The following MTF2 variants were observed in gnomAD, a reference collection of about 807,000 sequenced individuals.
MTF2 encodes metal-response element-binding transcription factor 2.
A neutral mutation model predicts 79.5 loss-of-function variants in MTF2; 11 were observed. The observed-to-expected ratio is 0.14, with a 90% CI of 0.09 to 0.23. The LOEUF is 0.23. MTF2 is among the 10% of genes least tolerant of loss of function. The pLI, the probability that MTF2 is intolerant of heterozygous loss-of-function variation, is 1.00. For synonymous variants in MTF2, 208 were observed against 232.8 expected, an observed-to-expected ratio of 0.89 and a Z score of 0.97; for missense variants, 486 against 711.2, an observed-to-expected ratio of 0.68 and a Z score of 3.60.
At chr1:93,098,158 TTG>T (rs1655374831) in intron 1 of MTF2, among the ~76,000 whole-genome samples, 1 of 152,194 alleles carries the variant, frequency 6.6e-6, no homozygotes, top group Non-Finnish European at 1.5e-5. Context: ...AAAGTGTGTG[TTG>T]TCTCATGACT....
chr1:93,097,228 G>GA (rs749749519), intron 1 of MTF2, among the ~76,000 whole-genome samples: 16 of 152,250 alleles, frequency 1.1e-4, no homozygotes, highest in Admixed American at 3.3e-4. Flanking sequence ...AATTTGTTGA[G>GA]ACTTGCTTTA....
At chr1:93,114,954 A>G (rs1557553096) in intron 4 of MTF2, 34 bp from the exon 5 acceptor site, 1 of 1,482,230 alleles carries the variant, frequency 6.7e-7, no homozygotes, top group Non-Finnish European at 9.3e-7. Flanking sequence ...TATTAATGAA[A>G]CCGAATTTGC....
chr1:93,098,279 G>GT (rs1293330949), intron 1 of MTF2, among the ~76,000 whole-genome samples: 1 of 152,172 alleles, frequency 6.6e-6, no homozygotes, highest in Non-Finnish European at 1.5e-5. Flanking sequence ...TCTTGATGAA[G>GT]TTTTGTCTGT....
At chr1:93,110,205 G>A (rs760640594) in intron 1 of MTF2, 25 bp from the exon 2 acceptor site, 4 of 1,598,670 alleles carry the variant, frequency 2.5e-6, no homozygotes, top group Admixed American at 1.7e-5. Context: ...TAAGTCTTAT[G>A]TATGGTCTTT....
Position 93,091,435 on chromosome 1 carries a change from A to G in MTF2, c.5+11904A>G, listed in dbSNP as rs190935874. Among the ~76,000 whole-genome samples the G allele has an allele frequency of 6.4e-4, 98 of 152,240 alleles. No individual in the cohort carries two copies. The East Asian group carries it at 0.015, about 23-fold the overall frequency. On this transcript the variant is annotated intron_variant, in intron 1 of 14. Transcript: ENST00000370298. ...GTTTTCTAACTTCTGGCCTCAAGCA[A>G]TCCTCCCACTTCAGCCTCCCAAAGT...
intron 6 of MTF2, among the ~76,000 whole-genome samples, chr1:93,116,501 ATT>A (rs34058324): frequency 1.9e-4 from 23 of 120,368 alleles, no homozygotes; most frequent in Middle Eastern, 4.3e-3. Context: ...CCATTGTAAG[ATT>A]TTTTTTTTTT....
chr1:93,101,574 T>TTTTTTG (rs1279545870), intron 1 of MTF2, among the ~76,000 whole-genome samples: 2,748 of 88,236 alleles, frequency 0.031, 497 homozygotes, highest in African/African-American at 0.13. Flanking sequence ...GCTGGTTTTT[T>TTTTTTG]TTTTTTTTTT....
chr1:93,079,808 T>A (rs767489306), intron 1 of MTF2, among the ~76,000 whole-genome samples: 54 of 144,406 alleles, frequency 3.7e-4, no homozygotes, highest in Non-Finnish European at 6.6e-4. Flanking sequence ...ACGGGGAAGC[T>A]GTGTTTGGAG....
At chr1:93,123,528 A>G (rs772200060) in intron 9 of MTF2, among the ~76,000 whole-genome samples, 2 of 152,112 alleles carry the variant, frequency 1.3e-5, no homozygotes, top group African/African-American at 2.4e-5. Flanking sequence ...TTGTAATGAT[A>G]TAAGTTGATT....
chr1:93,104,864 C>G (rs992125926), intron 1 of MTF2, among the ~76,000 whole-genome samples: 1 of 143,618 alleles, frequency 7.0e-6, no homozygotes, highest in Non-Finnish European at 1.5e-5. Context: ...GAATAAGAGA[C>G]AGACATTCTC....
chr1:93,132,111 T>C (rs577445080), intron 11 of MTF2, among the ~76,000 whole-genome samples: 1 of 152,252 alleles, frequency 6.6e-6, no homozygotes, highest in South Asian at 2.1e-4. Flanking sequence ...AAGGTAAAGA[T>C]AGCTGAGAGG....
chr1:93,093,118 G>A (rs1655140074), intron 1 of MTF2, among the ~76,000 whole-genome samples: 1 of 151,674 alleles, frequency 6.6e-6, no homozygotes, highest in South Asian at 2.1e-4. Flanking sequence ...GGAGGCAGAG[G>A]TTGCAGTGAG....
intron 9 of MTF2, among the ~76,000 whole-genome samples, chr1:93,123,325 C>T (rs1656565173): frequency 1.3e-5 from 2 of 148,194 alleles, no homozygotes; most frequent in Non-Finnish European, 3.0e-5. Flanking sequence ...ATACATAGCT[C>T]ACTGAAGCCT....
At chr1:93,095,314 A>T (rs1418272511) in intron 1 of MTF2, among the ~76,000 whole-genome samples, 1 of 152,126 alleles carries the variant, frequency 6.6e-6, no homozygotes, top group Non-Finnish European at 1.5e-5. Context: ...CTTTTATACC[A>T]ACTTCTACAT....
At chr1:93,087,571 C>CAA (rs5776168) in intron 1 of MTF2, among the ~76,000 whole-genome samples, 1,409 of 135,202 alleles carry the variant, frequency 0.01, 30 homozygotes, top group South Asian at 0.053. Context: ...GACTCTGTCT[C>CAA]AAAAAAAAAA....
At chr1:93,104,325 A>G (rs1395103870) in intron 1 of MTF2, among the ~76,000 whole-genome samples, 3 of 152,124 alleles carry the variant, frequency 2.0e-5, no homozygotes, top group African/African-American at 7.2e-5. Context: ...TTAAATGTGA[A>G]TGAAAGTAGA....
intron 1 of MTF2, among the ~76,000 whole-genome samples, chr1:93,106,588 T>C (rs1214253594): frequency 6.6e-6 from 1 of 151,620 alleles, no homozygotes; most frequent in Non-Finnish European, 1.5e-5. Flanking sequence ...GGTGCGATCT[T>C]AGCTCACTGC....
Position 93,136,617 on chromosome 1 carries a change from C to T in MTF2, c.1425-53C>T. On this transcript the variant is annotated intron_variant, in intron 14 of 14. Coordinates refer to ENST00000370298, the MANE Select transcript of MTF2 (RefSeq NM_007358.4). ...CAGAAAAGAGAACATATTGTATGGGCATAGGATGCTAAAAAAGCTCAGTAG... is the reference window on the plus strand; with the variant it reads ...CAGAAAAGAGAACATATTGTATGGGTATAGGATGCTAAAAAAGCTCAGTAG... The T allele has an allele frequency of 2.2e-6, 3 of 1,374,954 alleles. No homozygotes were observed. The Admixed American group carries it at 5.7e-5, about 26-fold the overall frequency. 85.2% of individuals were successfully genotyped at this position (1,374,954 alleles called of 1,614,324 possible).
At chr1:93,127,462 C>G (rs547700097) in intron 10 of MTF2, among the ~76,000 whole-genome samples, 163 bp downstream of exon 10, 1 of 152,266 alleles carries the variant, frequency 6.6e-6, no homozygotes, top group Non-Finnish European at 1.5e-5. Context: ...AGCAGTGATT[C>G]TCAAGGATTG....
Sources: allele counts gnomAD v4.1 joint callset (sites outside exome capture counted in the v4.1 genomes callset), GRCh38; gene constraint gnomAD v4.1.1; transcripts MANE v1.5; gene names NCBI Gene and HGNC (gene_info 2026-07-23, HGNC 2026-07-21).